Variants in THSD7A observed in about 807,000 individuals in gnomAD.
THSD7A encodes the protein thrombospondin type 1 domain containing 7A, also known as thrombospondin type-1 domain-containing protein 7A.
THSD7A carries 96 observed loss-of-function variants against 231.3 expected under a neutral mutation model. The observed-to-expected ratio is 0.41, with a 90% CI of 0.35 to 0.49. The LOEUF (loss-of-function observed/expected upper bound fraction) is 0.49, where lower values mean the gene tolerates loss of function less well. THSD7A is among the 20% of genes least tolerant of loss of function. The probability of loss-of-function intolerance (pLI) is 0.05; values close to 1 mark genes in which losing one functional copy is unlikely to be tolerated. For synonymous variants in THSD7A, 940 were observed against 743.3 expected (o/e 1.26, Z -4.30); for missense variants, 2,290 against 2,070.2 (o/e 1.11, Z -2.06).
intron 1 of THSD7A, among the ~76,000 whole-genome samples, chr7:11,744,425 T>A (rs1263512472): frequency 6.6e-6 from 1 of 150,906 alleles, no homozygotes; most frequent in African/African-American, 2.5e-5. Flanking sequence ...GGTTTTTTTA[T>A]TATTTTTTAT....
intron 9 of THSD7A, among the ~76,000 whole-genome samples, chr7:11,467,743 T>TA (rs71027414): frequency 0.18 from 27,790 of 151,870 alleles, 3,065 homozygotes; most frequent in South Asian, 0.33. Context: ...TTTTTACTCC[T>TA]AAAAAACCTC....
At position 11,738,652 on chromosome 7, in the gene THSD7A, A is replaced by G. The variant is rs1781999454; in HGVS notation, c.190+93105T>C. Among the ~76,000 whole-genome samples, 5 of 151,936 alleles carry G rather than the reference A, an allele frequency of 3.3e-5. 1 individual carries two copies. Among genetic ancestry groups the G allele is most frequent in the Admixed American group, 3.3e-4 (5 of 15,226 alleles). On this transcript the variant is annotated intron_variant, in intron 1 of 27. Transcript: ENST00000423059. ...ATGTCTCCTCCCCGCAATCCCTATG[A>G]TCTGTGATCACAAAGTTCATTTAAA...
chr7:11,382,926 A>G (rs938438800), intron 23 of THSD7A, among the ~76,000 whole-genome samples: 2 of 146,250 alleles, frequency 1.4e-5, no homozygotes, highest in Non-Finnish European at 3.0e-5. Context: ...ATATATAGTT[A>G]TATATATATA....
At chr7:11,752,619 T>C (rs944327084) in intron 1 of THSD7A, among the ~76,000 whole-genome samples, 2 of 152,014 alleles carry the variant, frequency 1.3e-5, no homozygotes, top group African/African-American at 4.8e-5. Context: ...GATTCAACGT[T>C]TAGAAGTTTC....
chr7:11,506,486 T>C (rs1052677930), intron 6 of THSD7A, among the ~76,000 whole-genome samples: 10 of 152,222 alleles, frequency 6.6e-5, no homozygotes, highest in Admixed American at 5.2e-4. Context: ...TCTCACAGTA[T>C]GTTCTCCACT....
At chr7:11,483,553 A>T (rs916631423) in intron 6 of THSD7A, among the ~76,000 whole-genome samples, 2 of 152,214 alleles carry the variant, frequency 1.3e-5, no homozygotes, top group Non-Finnish European at 2.9e-5. Flanking sequence ...TGTACTAAAC[A>T]GATAGTAGAT....
intron 1 of THSD7A, among the ~76,000 whole-genome samples, chr7:11,660,493 A>G (rs1292159153): frequency 6.6e-6 from 1 of 151,486 alleles, no homozygotes; most frequent in African/African-American, 2.4e-5. Flanking sequence ...ATAGAAGTGT[A>G]ACACCCAAGA....
intron 1 of THSD7A, among the ~76,000 whole-genome samples, chr7:11,642,714 A>G (rs927664923): frequency 3.3e-5 from 5 of 152,250 alleles, no homozygotes; most frequent in Admixed American, 6.5e-5. Flanking sequence ...AATGAATGCT[A>G]CTTGGCTTAG....
intron 1 of THSD7A, among the ~76,000 whole-genome samples, chr7:11,737,983 T>G (rs917823234): frequency 6.6e-6 from 1 of 152,020 alleles, no homozygotes; most frequent in South Asian, 2.1e-4. Context: ...TCTCTCATTA[T>G]TCTAGATGCT....
chr7:11,772,218 C>A (rs973095930), intron 1 of THSD7A, among the ~76,000 whole-genome samples: 7 of 146,028 alleles, frequency 4.8e-5, no homozygotes, highest in Non-Finnish European at 9.0e-5. Context: ...CAAAAAAAAA[C>A]AAAACAAAAC....
chr7:11,424,940 C>T, intron 15 of THSD7A, 111 bp from the exon 16 acceptor site: 1 of 1,275,632 alleles, frequency 7.8e-7, no homozygotes, highest in Non-Finnish European at 1.1e-6. Flanking sequence ...TCACTCCCCT[C>T]CTTTACTGCT....
chr7:11,567,628 A>T (rs1199216300), intron 4 of THSD7A, among the ~76,000 whole-genome samples: 2 of 152,136 alleles, frequency 1.3e-5, no homozygotes, highest in Non-Finnish European at 2.9e-5. Context: ...TGGATTTCTC[A>T]CCCTGACATC....
intron 1 of THSD7A, among the ~76,000 whole-genome samples, chr7:11,659,571 G>A (rs1782846614): frequency 6.6e-6 from 1 of 150,902 alleles, no homozygotes; most frequent in African/African-American, 2.4e-5. Flanking sequence ...TTATTTTATT[G>A]TAGCACTTAG....
At chr7:11,413,040 C>T (rs1401857564) in intron 17 of THSD7A, among the ~76,000 whole-genome samples, 1 of 152,058 alleles carries the variant, frequency 6.6e-6, no homozygotes, top group Non-Finnish European at 1.5e-5. Context: ...CATCACCTCA[C>T]ACCTATACAC....
At chr7:11,722,603 T>C (rs1781396225) in intron 1 of THSD7A, among the ~76,000 whole-genome samples, 1 of 151,800 alleles carries the variant, frequency 6.6e-6, no homozygotes. Flanking sequence ...ATCCATTCCC[T>C]AGCCTCCTGC....
At chr7:11,762,937 A>C (rs1190080317) in intron 1 of THSD7A, among the ~76,000 whole-genome samples, 1 of 152,192 alleles carries the variant, frequency 6.6e-6, no homozygotes, top group Non-Finnish European at 1.5e-5. Flanking sequence ...CATTTTTCAC[A>C]GAATTAAAAA....
intron 1 of THSD7A, among the ~76,000 whole-genome samples, chr7:11,772,245 G>A (rs777616897): frequency 3.9e-5 from 6 of 152,156 alleles, no homozygotes; most frequent in African/African-American, 1.4e-4. Context: ...TGGCAATGGG[G>A]ATCTGGAGGA....
At chr7:11,596,422 G>A (rs1450288949) in intron 2 of THSD7A, among the ~76,000 whole-genome samples, 3 of 152,054 alleles carry the variant, frequency 2.0e-5, no homozygotes, top group Non-Finnish European at 2.9e-5. Context: ...AGTGGTTCCC[G>A]GGATTCATCC....
chr7:11,789,780 T>C (rs2355089), intron 1 of THSD7A, among the ~76,000 whole-genome samples: 78,850 of 151,722 alleles, frequency 0.52, 20,754 homozygotes, highest in South Asian at 0.65. Context: ...AGAGGCTCTC[T>C]TGATGCTCCT....
Sources: gnomAD v4.1 joint callset for allele counts (sites outside exome capture counted in the v4.1 genomes callset) on GRCh38, gnomAD v4.1.1 for gene constraint, MANE v1.5 for transcripts, NCBI Gene and HGNC (gene_info 2026-07-23, HGNC 2026-07-21) for gene names.